The following SIDT2 variants were observed in gnomAD, a reference collection of about 807,000 sequenced individuals.
SIDT2 encodes the protein SID1 transmembrane family member 2.
SIDT2 carries 68 observed loss-of-function variants against 114.4 expected under a neutral mutation model. The ratio of observed to expected loss-of-function variants is 0.59; its 90% CI spans 0.49 to 0.73. SIDT2 has a LOEUF of 0.73. SIDT2 is among the 30% of genes least tolerant of loss of function. The pLI is 0.00. For synonymous variants in SIDT2, 470 were observed against 438.4 expected, an observed-to-expected ratio of 1.07 and a Z score of -0.90; for missense variants, 918 against 1,097.1, an observed-to-expected ratio of 0.84 and a Z score of 2.31.
In SIDT2 at chr11:117,189,193, G is replaced by T; in HGVS notation, c.1303G>T (p.Ala435Ser). 1 of 1,614,252 alleles carries T rather than the reference G, an allele frequency of 6.2e-7. No homozygotes were observed. Among genetic ancestry groups the T allele is most frequent in the South Asian group, 1.1e-5 (1 of 91,090 alleles). ...GCAATACCTCTATGTGGCTGACCTGGCACGGAAGGACAAGCGTGTTCTGCG... is the reference window on the plus strand; with the variant it reads ...GCAATACCTCTATGTGGCTGACCTGTCACGGAAGGACAAGCGTGTTCTGCG... ...TKQYLYVADL[A>S]RKDKRVLRKK... Residue 435 changes from alanine to serine, a missense_variant, in exon 14 of 26, where the codon GCA becomes TCA. By Grantham distance (99) the Ala-to-Ser change is moderately conservative. This residue lies in a region of SIDT2 where 553 missense variants were observed against 600.1 expected (regional missense o/e 0.92). Transcript: ENST00000324225.
rs750228178 is a variant in SIDT2, at chr11:117,179,344, C to T, written c.81C>T (p.Asn27=). ...ESHLGVLGPK[N]VSQKDAEFER... ...ATCTGGGGGTTCTGGGGCCCAAGAA[C>T]GTCTCGCAGAAAGACGCCGAGTTTG... Residue 27 remains asparagine (N), a synonymous_variant, in exon 1 of 26, where the codon AAC becomes AAT. Coordinates refer to ENST00000324225, the MANE Select transcript of SIDT2 (RefSeq NM_001040455.2). 11 of 1,614,182 alleles carry T rather than the reference C, an allele frequency of 6.8e-6. No individual in the cohort carries two copies. The East Asian group carries it at 2.0e-4, about 29-fold the overall frequency.
At position 117,193,149 on chromosome 11, in the gene SIDT2, C is replaced by T; in HGVS notation, c.2106-4C>T. The stretch of plus-strand genomic sequence containing the variant: ...GCTTCACCACCCTTCATCCCTCTTG[C>T]CAGGGCTGCCTATGGGCTTATCATG... On this transcript the variant is annotated splice_polypyrimidine_tract_variant and splice_region_variant and intron_variant, in intron 22 of 25. Transcript: ENST00000324225. 6.2e-7 allele frequency: 1 copy of T among 1,614,176 alleles called. No individual in the cohort carries two copies. Among genetic ancestry groups the T allele is most frequent in the Non-Finnish European group, 8.5e-7 (1 of 1,180,002 alleles).
In SIDT2 at chr11:117,196,015, A is replaced by G; in HGVS notation, c.2448A>G (p.Thr816=). The G allele has an allele frequency of 6.2e-6, 10 of 1,614,202 alleles. No individual in the cohort carries two copies. Among genetic ancestry groups the G allele is most frequent in the Non-Finnish European group, 7.6e-6 (9 of 1,180,030 alleles). Residue 816 remains threonine (T), a synonymous_variant, in exon 26 of 26, where the codon ACA becomes ACG. Transcript: ENST00000324225. The surrounding 1 kb of genome is among the most constrained non-coding windows in gnomAD (Gnocchi z 4.9). ...AMFGSFLVLL[T]LDDDLDTVQR... ...CGTCCACACCCCAGGTGTTGCTGAC[A>G]CTGGATGACGACCTGGATACTGTGC...
In SIDT2 at chr11:117,190,809, C is replaced by T. The variant is rs1036850627; in HGVS notation, c.1735+69C>T. 1.3e-5 allele frequency: 16 copies of T among 1,272,410 alleles called. No homozygotes were observed. The highest frequency in any genetic ancestry group is 1.7e-5 in the Non-Finnish European group (15 of 871,866). The allele number at this position is 1,272,410 out of a possible 1,614,324, so 78.8% of individuals were successfully genotyped here. ...ACCTGCCTGAGTCCTTCACTATCCC[C>T]AAGTCACCCACAGGGATCGCTAAGA... On this transcript the variant is annotated intron_variant, in intron 18 of 25. Transcript: ENST00000324225. The surrounding 1 kb of genome is among the most constrained non-coding windows in gnomAD (Gnocchi z 4.1).
In SIDT2 at chr11:117,196,203, G is replaced by T; in HGVS notation, c.*137G>T. ...GATGGCAGCAGGACAGCCAGGTCTA[G>T]CTTAGGCTTGGCCTGGGACAGCCAT... On this transcript the variant is annotated 3_prime_UTR_variant, in exon 26 of 26. Transcript: ENST00000324225. This position sits in a 1 kb window ranked among gnomAD's most constrained non-coding sequence, Gnocchi z 4.9. 3.3e-6 allele frequency: 4 copies of T among 1,219,668 alleles called. No individual in the cohort carries two copies. In the South Asian group the frequency reaches 4.2e-5, roughly 13 times the overall value. 75.6% of individuals were successfully genotyped at this position (1,219,668 alleles called of 1,614,324 possible). A position where few individuals can be genotyped will look rare whatever the true frequency, so the allele number is the denominator to read the frequency against.
Position 117,188,995 on chromosome 11 carries a change from G to T in SIDT2, c.1278+169G>T. On this transcript the variant is annotated intron_variant, in intron 13 of 25. Coordinates refer to ENST00000324225, the MANE Select transcript of SIDT2 (RefSeq NM_001040455.2). The surrounding 1 kb of genome is among the most constrained non-coding windows in gnomAD (Gnocchi z 4.0). Reference sequence around the variant, plus strand: ...CTAACCTGACCTCCAACCCCTTCCGGCCTGATTGGCCAAACCCTCTTGGTC... The same window carrying T: ...CTAACCTGACCTCCAACCCCTTCCGTCCTGATTGGCCAAACCCTCTTGGTC... 1 of 950,408 alleles carries T rather than the reference G, an allele frequency of 1.1e-6. No individual in the cohort carries two copies. Among genetic ancestry groups the T allele is most frequent in the Non-Finnish European group, 1.7e-6 (1 of 603,194 alleles). 58.9% of individuals were successfully genotyped at this position (950,408 alleles called of 1,614,324 possible).
At chr11:117,189,568 C>T in intron 15 of SIDT2, 167 bp downstream of exon 15, 1 of 690,512 alleles carries the variant, frequency 1.4e-6, no homozygotes, top group Non-Finnish European at 2.4e-6. Flanking sequence ...CCCCCCCAAC[C>T]CTGAGTGTCA....
In SIDT2 at chr11:117,186,645, A is replaced by T; in HGVS notation, c.1015+9A>T. 2 of 1,409,856 alleles carry T rather than the reference A, an allele frequency of 1.4e-6. No individual in the cohort carries two copies. The highest frequency in any genetic ancestry group is 9.3e-7 in the Non-Finnish European group (1 of 1,070,686). 87.3% of individuals were successfully genotyped at this position (1,409,856 alleles called of 1,614,324 possible). A position where few individuals can be genotyped will look rare whatever the true frequency, so the allele number is the denominator to read the frequency against. On this transcript the variant is annotated intron_variant, in intron 10 of 25. Transcript: ENST00000324225. ...AGCCTGCCCAGAAAGCGGTACCTCC[A>T]GGGGGCCTGGGTGGGGCGGGCACAG...
intron 18 of SIDT2, 39 bp from the exon 19 acceptor site, chr11:117,191,839 G>A (rs1370724075): frequency 8.1e-6 from 13 of 1,606,184 alleles, no homozygotes; most frequent in Non-Finnish European, 1.1e-5. Context: ...GGGGCTTGGT[G>A]GCCATTTCTG....
In SIDT2 at chr11:117,181,825, C is replaced by A. The variant is rs753274715; in HGVS notation, c.324C>A (p.Leu108=). ...GCCATAGGTTTCAGCGCAAGTACCT[C>A]TACCAAAAAGTGGAACGAACCCTGT... ...ILRGMFQRKY[L]YQKVERTLCQ... is the part of the protein sequence containing the mutation. Residue 108 remains leucine (L), a synonymous_variant, in exon 3 of 26, where the codon CTC becomes CTA. Coordinates refer to ENST00000324225, the MANE Select transcript of SIDT2 (RefSeq NM_001040455.2). The A allele has an allele frequency of 1.2e-6, 2 of 1,614,076 alleles. No individual in the cohort carries two copies. Among genetic ancestry groups the A allele is most frequent in the Non-Finnish European group, 1.7e-6 (2 of 1,180,028 alleles).
chr11:117,178,904 C>T lies in SIDT2; in HGVS notation c.-360C>T, dbSNP rs1208614613. ...AGCCCCCGCCGCCGGCTCTTCCTCC[C>T]TCCCCTTTCCCGGCGTCTCCAGGCT... On this transcript the variant is annotated 5_prime_UTR_variant, in exon 1 of 26. Transcript: ENST00000324225. The T allele has an allele frequency of 1.3e-5, 3 of 225,990 alleles. No individual in the cohort carries two copies. The highest frequency in any genetic ancestry group is 2.6e-5 in the Non-Finnish European group (3 of 114,418). 14.0% of individuals were successfully genotyped at this position (225,990 alleles called of 1,614,324 possible). A position where few individuals can be genotyped will look rare whatever the true frequency, so the allele number is the denominator to read the frequency against.
rs1472871485 is a variant in SIDT2 at position 117,192,040 on chromosome 11, G to C, written c.1872+26G>C. On this transcript the variant is annotated intron_variant, in intron 19 of 25. Transcript: ENST00000324225. The surrounding 1 kb of genome is among the most constrained non-coding windows in gnomAD (Gnocchi z 5.9). ...GTGAGGGCCTGACCTGCTCTGCTCA[G>C]CCTGTATGATAGGAAAGGTGCACGT... The C allele has an allele frequency of 1.9e-6, 3 of 1,613,460 alleles. No homozygotes were observed. Among genetic ancestry groups the C allele is most frequent in the Non-Finnish European group, 2.5e-6 (3 of 1,179,672 alleles).
rs474339 is a variant in SIDT2, at chr11:117,188,836, G to T, written c.1278+10G>T. On this transcript the variant is annotated intron_variant, in intron 13 of 25. Transcript: ENST00000324225. The surrounding 1 kb of genome is among the most constrained non-coding windows in gnomAD (Gnocchi z 4.0). ...TGTCATTCGCACCAAGGTCTGACCC[G>T]TGGGCCTGGCCTGGTCAGGCGTTTC... 2.5e-6 allele frequency: 4 copies of T among 1,612,824 alleles called. No homozygotes were observed. The African/African-American group carries it at 4.0e-5, about 16-fold the overall frequency.
At chr11:117,193,798 C>T (rs1023047395) in intron 23 of SIDT2, 55 bp from the exon 24 acceptor site, 45 of 1,311,170 alleles carry the variant, frequency 3.4e-5, no homozygotes, top group Middle Eastern at 4.5e-4. Flanking sequence ...GGTGGGACAG[C>T]GGGGTGGGAC....
chr11:117,189,009 AC>A, intron 13 of SIDT2, 159 bp from the exon 14 acceptor site: 1 of 976,342 alleles, frequency 1.0e-6, no homozygotes, highest in East Asian at 2.4e-5. Context: ...GATTGGCCAA[AC>A]CCTCTTGGTC....
Position 117,188,006 on chromosome 11 carries a change from C to T in SIDT2, c.1159+307C>T. The stretch of plus-strand genomic sequence containing the variant: ...TTTTGCCAATCAGTGCCTGCCGGCT[C>T]CGGTTGACTGCCGGCTGTGGGGCCA... On this transcript the variant is annotated intron_variant, in intron 12 of 25. Transcript: ENST00000324225. This position sits in a 1 kb window ranked among gnomAD's most constrained non-coding sequence, Gnocchi z 4.0. 1.7e-6 allele frequency: 1 copy of T among 600,246 alleles called. No homozygotes were observed. The highest frequency in any genetic ancestry group is 2.6e-4 in the Middle Eastern group (1 of 3,870). The allele number at this position is 600,246 out of a possible 1,614,324, so 37.2% of individuals were successfully genotyped here.
chr11:117,186,879 C>G, intron 10 of SIDT2: 1 of 1,304,090 alleles, frequency 7.7e-7, no homozygotes, highest in Non-Finnish European at 1.1e-6. Flanking sequence ...TGTCTGCCTG[C>G]CTTGGGCAGT....
rs749917245 is a variant in SIDT2, at chr11:117,192,809, C to G, written c.2059-11C>G. 6.2e-7 allele frequency: 1 copy of G among 1,614,188 alleles called. No individual in the cohort carries two copies. The highest frequency in any genetic ancestry group is 8.5e-7 in the Non-Finnish European group (1 of 1,180,028). ...CCTGCCCTCAGTCCCTGTGTCCCTG[C>G]TTCCCTCCAGGACCGCATGGTGCTG... is the stretch of plus-strand genomic sequence containing the variant. On this transcript the variant is annotated splice_polypyrimidine_tract_variant and intron_variant, in intron 21 of 25. Transcript: ENST00000324225. This position sits in a 1 kb window ranked among gnomAD's most constrained non-coding sequence, Gnocchi z 5.9.
At position 117,192,911 on chromosome 11, in the gene SIDT2, G is replaced by C. The variant is rs778125206; in HGVS notation, c.2105+45G>C. On this transcript the variant is annotated intron_variant, in intron 22 of 25. Transcript: ENST00000324225. This position sits in a 1 kb window ranked among gnomAD's most constrained non-coding sequence, Gnocchi z 5.9. Reference sequence around the variant, plus strand: ...GTGGCCTGGTTGGGTGGACAGCTGGGGACTCGGTCAGCCACTGGCTGCCTT... The same window carrying C: ...GTGGCCTGGTTGGGTGGACAGCTGGCGACTCGGTCAGCCACTGGCTGCCTT... The C allele has an allele frequency of 6.2e-7, 1 of 1,612,992 alleles. No individual in the cohort carries two copies. The highest frequency in any genetic ancestry group is 8.5e-7 in the Non-Finnish European group (1 of 1,179,054).
Sources: allele counts gnomAD v4.1 joint callset, GRCh38; gene constraint gnomAD v4.1.1; regional missense constraint gnomAD v4.1.1; non-coding constraint Gnocchi (gnomAD v3.1); transcripts MANE v1.5; gene names NCBI Gene and HGNC (gene_info 2026-07-23, HGNC 2026-07-21).